Variants in NBPF15 observed in about 807,000 individuals in gnomAD.
NBPF15 encodes NBPF family member NBPF15.
In NBPF15, 74 loss-of-function variants were observed where a neutral mutation model predicts 62.2. The ratio of observed to expected loss-of-function variants is 1.19; its 90% confidence interval spans 0.99 to 1.44. NBPF15 has a LOEUF of 1.44. Among genes scored for constraint, NBPF15 ranks in the 40% most tolerant of loss-of-function variants. The pLI is 0.00. For missense variants in NBPF15, 790 were observed against 550.0 expected (o/e 1.44, Z -4.36); for synonymous variants, 244 against 209.7 (o/e 1.16, Z -1.41).
chr1:144,427,400 G>A (rs1419229985), intron 16 of NBPF15, among the ~76,000 whole-genome samples: 32 of 142,184 alleles, frequency 2.3e-4, no homozygotes, highest in Non-Finnish European at 3.0e-4. Context: ...GCCCCCAAAT[G>A]GTTGCTAGGA....
chr1:144,457,494 T>A (rs1303635897), intron 3 of NBPF15, among the ~76,000 whole-genome samples: 1 of 152,068 alleles, frequency 6.6e-6, no homozygotes, highest in African/African-American at 2.4e-5. Context: ...TACAAGCTAT[T>A]TTATTTGTTA....
At position 144,423,249 on chromosome 1, in the gene NBPF15, C is replaced by T. The variant is rs143187884; in HGVS notation, c.1777G>A (p.Gly593Ser). The T allele has an allele frequency of 5.0e-4, 800 of 1,611,228 alleles. 8 individuals carry two copies. The highest frequency in any genetic ancestry group is 2.3e-3 in the Middle Eastern group (10 of 4,432). Reference sequence around the variant, plus strand: ...GGCTCTTCCACTTCCATCAGCACGCCGTAGAGCCTGGAAAAGGAGACAAAA... The same window carrying T: ...GGCTCTTCCACTTCCATCAGCACGCTGTAGAGCCTGGAAAAGGAGACAAAA... The part of the protein sequence containing the change: ...DDNPPCPRLY[G>S]VLMEVEEPEV... The change falls in exon 22 of 22, where the codon GGC (glycine) becomes AGC (serine). Residue 593 changes from glycine (G) to serine (S), a missense_variant. Gly to Ser is a moderately conservative substitution (Grantham distance 56). Coordinates refer to ENST00000581897, the MANE Select transcript of NBPF15 (RefSeq NM_001385408.1).
chr1:144,451,448 C>T (rs200359275), intron 4 of NBPF15, among the ~76,000 whole-genome samples: 2,409 of 151,164 alleles, frequency 0.016, 38 homozygotes, highest in Middle Eastern at 0.055. Flanking sequence ...AGACCCTTTA[C>T]GGGTGTCGGG....
chr1:144,452,213 A>G (rs1480609345), intron 4 of NBPF15, among the ~76,000 whole-genome samples: 1 of 152,048 alleles, frequency 6.6e-6, no homozygotes, highest in Non-Finnish European at 1.5e-5. Flanking sequence ...TTATGTGAAA[A>G]TGTATCATCT....
chr1:144,423,265 G>A lies in NBPF15; in HGVS notation c.1770-9C>T. ...TCAGCACGCCGTAGAGCCTGGAAAA[G>A]GAGACAAAACTAAAGAAGCAGCCAG... On this transcript the variant is annotated splice_polypyrimidine_tract_variant and intron_variant, in intron 21 of 21. Coordinates refer to ENST00000581897, the MANE Select transcript of NBPF15 (RefSeq NM_001385408.1). The A allele has an allele frequency of 6.2e-7, 1 of 1,611,314 alleles. No individual in the cohort carries two copies. Among genetic ancestry groups the A allele is most frequent in the Non-Finnish European group, 8.5e-7 (1 of 1,179,572 alleles).
Position 144,424,110 on chromosome 1 carries a change from G to A in NBPF15, c.1664-135C>T. 5 of 743,902 alleles carry A rather than the reference G, an allele frequency of 6.7e-6. No individual in the cohort carries two copies. The South Asian group carries it at 7.2e-5, about 11-fold the overall frequency. 46.1% of individuals were successfully genotyped at this position (743,902 alleles called of 1,614,324 possible). A position where few individuals can be genotyped will look rare whatever the true frequency, so the allele number is the denominator to read the frequency against. ...ACGACACCATGAGAGATATATTTCA[G>A]GAGGTCTGAAGGCTGGTCATGATAT... On this transcript the variant is annotated intron_variant, in intron 20 of 21. Coordinates refer to ENST00000581897, the MANE Select transcript of NBPF15 (RefSeq NM_001385408.1).
chr1:144,453,357 T>G (rs1169875255), intron 4 of NBPF15, among the ~76,000 whole-genome samples: 1 of 151,754 alleles, frequency 6.6e-6, no homozygotes, highest in Non-Finnish European at 1.5e-5. Context: ...AAATGTAAGG[T>G]GCAAAACCAT....
intron 4 of NBPF15, among the ~76,000 whole-genome samples, chr1:144,455,207 A>G (rs1165225120): frequency 6.7e-6 from 1 of 148,782 alleles, no homozygotes; most frequent in Non-Finnish European, 1.5e-5. Context: ...GAGGGAAGGC[A>G]GAAGGGAAGG....
intron 4 of NBPF15, among the ~76,000 whole-genome samples, chr1:144,451,771 G>T (rs587675022): frequency 0.014 from 2,175 of 151,262 alleles, 61 homozygotes; most frequent in African/African-American, 0.05. Flanking sequence ...CAAGGCAAAA[G>T]AATTTTTCTT....
At chr1:144,439,333 G>A (rs1219934750) in intron 8 of NBPF15, among the ~76,000 whole-genome samples, 3 of 152,026 alleles carry the variant, frequency 2.0e-5, no homozygotes, top group South Asian at 4.2e-4. Flanking sequence ...GGTTCTATTA[G>A]GAGTAGACTC....
At chr1:144,438,869 C>A (rs1192118896) in intron 8 of NBPF15, among the ~76,000 whole-genome samples, 4 of 152,082 alleles carry the variant, frequency 2.6e-5, no homozygotes, top group African/African-American at 4.8e-5. Flanking sequence ...GTTATCTCCA[C>A]ACATTCTCGG....
chr1:144,438,960 T>C (rs1553541952), intron 8 of NBPF15, among the ~76,000 whole-genome samples: 3 of 151,866 alleles, frequency 2.0e-5, no homozygotes, highest in African/African-American at 7.3e-5. Context: ...TACTCTCTGC[T>C]TTTTATTCTT....
chr1:144,436,130 A>T (rs1157933558), intron 10 of NBPF15, among the ~76,000 whole-genome samples: 7 of 151,944 alleles, frequency 4.6e-5, no homozygotes, highest in African/African-American at 7.3e-5. Flanking sequence ...CTCTCTGGAC[A>T]TTGGCAGCTG....
At chr1:144,452,327 G>A (rs1303407321) in intron 4 of NBPF15, among the ~76,000 whole-genome samples, 2 of 152,022 alleles carry the variant, frequency 1.3e-5, no homozygotes, top group East Asian at 3.9e-4. Context: ...TTCAAGGAGA[G>A]CCATAAACAG....
chr1:144,448,116 A>G (rs1242533196), intron 6 of NBPF15, among the ~76,000 whole-genome samples: 1 of 152,036 alleles, frequency 6.6e-6, no homozygotes, highest in Non-Finnish European at 1.5e-5. Context: ...CATAAAAGAA[A>G]TTCTTCACCA....
At chr1:144,439,517 T>A (rs61812388) in intron 8 of NBPF15, among the ~76,000 whole-genome samples, 1 of 152,062 alleles carries the variant, frequency 6.6e-6, no homozygotes, top group African/African-American at 2.4e-5. Context: ...GGATCTTATA[T>A]GGTACAGAGA....
At position 144,422,851 on chromosome 1, in the gene NBPF15, G is replaced by C. The variant is rs1666647641; in HGVS notation, c.*162C>G. The C allele has an allele frequency of 1.9e-6, 3 of 1,548,534 alleles. No homozygotes were observed. Among genetic ancestry groups the C allele is most frequent in the East Asian group, 2.2e-5 (1 of 44,558 alleles). On this transcript the variant is annotated 3_prime_UTR_variant, in exon 22 of 22. Transcript: ENST00000581897. Reference sequence around the variant, plus strand: ...CATGGGTCCATTGTCTTCAGATTGAGCACAGGTTGCCAATGGCATGGTTTG... The same window carrying C: ...CATGGGTCCATTGTCTTCAGATTGACCACAGGTTGCCAATGGCATGGTTTG...
At chr1:144,423,467 C>G (rs1571101318) in intron 21 of NBPF15, among the ~76,000 whole-genome samples, 1 of 151,342 alleles carries the variant, frequency 6.6e-6, no homozygotes, top group African/African-American at 2.4e-5. Context: ...GAGAGAGAGA[C>G]AGAGACAGAG....
chr1:144,440,218 T>C lies in NBPF15; in HGVS notation c.-113A>G. Reference sequence around the variant, plus strand: ...AAAACAAGGTTCGAGGTGCCTCAACTCAGAGCTGAAAGCACTGTCAGTAGC... The same window carrying C: ...AAAACAAGGTTCGAGGTGCCTCAACCCAGAGCTGAAAGCACTGTCAGTAGC... On this transcript the variant is annotated 5_prime_UTR_variant, in exon 7 of 22. Coordinates refer to ENST00000581897, the MANE Select transcript of NBPF15 (RefSeq NM_001385408.1). 1.3e-6 allele frequency: 2 copies of C among 1,521,878 alleles called. No homozygotes were observed. Among genetic ancestry groups the C allele is most frequent in the Non-Finnish European group, 1.8e-6 (2 of 1,131,900 alleles). The allele number at this position is 1,521,878 out of a possible 1,614,324, so 94.3% of individuals were successfully genotyped here.
Sources: allele counts gnomAD v4.1 joint callset (sites outside exome capture counted in the v4.1 genomes callset), GRCh38; gene constraint gnomAD v4.1.1; transcripts MANE v1.5; gene names NCBI Gene and HGNC (gene_info 2026-07-23, HGNC 2026-07-21).